CD300E: variants seen among roughly 807,000 people sequenced by gnomAD.
CD300E encodes CMRF35-like molecule 2.
Under a neutral mutation model 20.9 loss-of-function variants are expected in CD300E, and 14 were observed. The ratio of observed to expected loss-of-function variants is 0.67; its 90% CI spans 0.44 to 1.05. The LOEUF (loss-of-function observed/expected upper bound fraction) is 1.05. CD300E is among the 50% of genes least tolerant of loss of function. CD300E has a pLI of 0.00. For synonymous variants in CD300E, 102 were observed against 103.7 expected (o/e 0.98, Z 0.10); for missense variants, 237 against 253.9 (o/e 0.93, Z 0.45).
At chr17:74,617,958 A>G (rs1238963584) in intron 1 of CD300E, among the ~76,000 whole-genome samples, 1 of 152,194 alleles carries the variant, frequency 6.6e-6, no homozygotes, top group Non-Finnish European at 1.5e-5. Flanking sequence ...AAGAATCAAC[A>G]TGGCACTGGG....
intron 2 of CD300E, 73 bp downstream of exon 2, chr17:74,617,045 G>A (rs898702853): frequency 7.3e-5 from 96 of 1,307,608 alleles, no homozygotes; most frequent in Middle Eastern, 5.6e-4. Context: ...GCACACTTCA[G>A]TGTGCCGCCC....
chr17:74,613,201 C>A (rs1273796898), intron 3 of CD300E, among the ~76,000 whole-genome samples: 1 of 152,172 alleles, frequency 6.6e-6, no homozygotes, highest in African/African-American at 2.4e-5. Context: ...ACTTCCTGGG[C>A]TCAAGTGATT....
In CD300E at chr17:74,613,635, A is replaced by ATGGGGAAGGAGACAGGAAGGAG. The variant is rs2030832105; in HGVS notation, c.497+268_497+289dup. ...ACTGGGACCCCAAGTCCGGAGCTGG[A>ATGGGGAAGGAGACAGGAAGGAG]TGGGGAAGGAGACAGGAAGGAGTGG... On this transcript the variant is annotated intron_variant, in intron 3 of 3. Transcript: ENST00000392619. 2.0e-5 allele frequency among the ~76,000 whole-genome samples: 3 copies of ATGGGGAAGGAGACAGGAAGGAG among 152,318 alleles called. No homozygotes were observed. In the South Asian group the frequency reaches 6.2e-4, roughly 32 times the overall value.
intron 2 of CD300E, among the ~76,000 whole-genome samples, chr17:74,615,574 T>C (rs565420224): frequency 6.6e-6 from 1 of 152,330 alleles, no homozygotes; most frequent in African/African-American, 2.4e-5. Context: ...CTCACTTTTT[T>C]TCCCCAGCAG....
intron 1 of CD300E, among the ~76,000 whole-genome samples, chr17:74,622,752 C>T (rs1631043): frequency 0.57 from 79,877 of 139,072 alleles, 21,649 homozygotes; most frequent in African/African-American, 0.67. Context: ...TTTTTTTTTT[C>T]AGACAGGATC....
intron 2 of CD300E, among the ~76,000 whole-genome samples, chr17:74,614,509 A>C (rs1442028526): frequency 1.7e-5 from 2 of 118,828 alleles, no homozygotes; most frequent in South Asian, 2.5e-4. Context: ...ATGGAGTTTC[A>C]CTCTTGTTGC....
chr17:74,620,338 G>T (rs1049817234), intron 1 of CD300E, among the ~76,000 whole-genome samples: 3 of 152,198 alleles, frequency 2.0e-5, no homozygotes, highest in African/African-American at 7.2e-5. Flanking sequence ...CAGGCATAGT[G>T]GCGGGGGCCT....
intron 2 of CD300E, among the ~76,000 whole-genome samples, chr17:74,616,216 T>C (rs1461808211): frequency 6.6e-6 from 1 of 151,942 alleles, no homozygotes; most frequent in African/African-American, 2.4e-5. Context: ...AAGGTCACTG[T>C]GAGGTTGAGA....
At chr17:74,612,841 T>C in intron 3 of CD300E, 68 bp from the exon 4 acceptor site, 1 of 1,582,658 alleles carries the variant, frequency 6.3e-7, no homozygotes, top group Non-Finnish European at 8.6e-7. Context: ...TCTCCCCACC[T>C]CTCCCCATGC....
Position 74,611,450 on chromosome 17 carries a change from G to A in CD300E, c.*1203C>T, listed in dbSNP as rs868503296. The A allele has an allele frequency of 6.6e-6, 1 of 152,282 alleles. No homozygotes were observed. Among genetic ancestry groups the A allele is most frequent in the Non-Finnish European group, 1.5e-5 (1 of 68,094 alleles). 9.4% of individuals were successfully genotyped at this position (152,282 alleles called of 1,614,324 possible). On this transcript the variant is annotated 3_prime_UTR_variant, in exon 4 of 4. Coordinates refer to ENST00000392619, the MANE Select transcript of CD300E (RefSeq NM_181449.3). ...GTGATGCTTGCTTGTGGCAGACTGTGGGAGTCCTCCCCACAAACTTTAGGG... is the reference window on the plus strand; with the variant it reads ...GTGATGCTTGCTTGTGGCAGACTGTAGGAGTCCTCCCCACAAACTTTAGGG...
chr17:74,615,904 G>A (rs372753152), intron 2 of CD300E, among the ~76,000 whole-genome samples: 62 of 152,222 alleles, frequency 4.1e-4, no homozygotes, highest in African/African-American at 1.4e-3. Flanking sequence ...TGGGCAACGC[G>A]GGAAGATGCT....
At chr17:74,618,721 C>G (rs1278431243) in intron 1 of CD300E, among the ~76,000 whole-genome samples, 1 of 152,112 alleles carries the variant, frequency 6.6e-6, no homozygotes, top group Non-Finnish European at 1.5e-5. Flanking sequence ...CTTCCTCACC[C>G]CACCAACCAT....
At chr17:74,619,255 C>T (rs567653192) in intron 1 of CD300E, 14 of 421,646 alleles carry the variant, frequency 3.3e-5, no homozygotes, top group Admixed American at 1.0e-4. Context: ...GTGATGGAGC[C>T]GGGGCCTGCT....
In CD300E at chr17:74,611,031, C is replaced by A. The variant is rs533239376; in HGVS notation, c.*1622G>T. 12 of 152,292 alleles carry A rather than the reference C, an allele frequency of 7.9e-5. No homozygotes were observed. The highest frequency in any genetic ancestry group is 1.5e-4 in the Non-Finnish European group (10 of 68,070). The allele number at this position is 152,292 out of a possible 1,614,324, so 9.4% of individuals were successfully genotyped here. A position where few individuals can be genotyped will look rare whatever the true frequency, so the allele number is the denominator to read the frequency against. On this transcript the variant is annotated 3_prime_UTR_variant, in exon 4 of 4. Transcript: ENST00000392619. ...TGGCATGATATTCTCCTCACCAACC[C>A]CCTGACATCAGGAAGCATCTCTTGT...
intron 3 of CD300E, 39 bp downstream of exon 3, chr17:74,613,886 G>T: frequency 6.9e-7 from 1 of 1,450,450 alleles, no homozygotes; most frequent in Non-Finnish European, 9.6e-7. Context: ...TCCACCCCAG[G>T]GTTGCTCCCT....
In CD300E at chr17:74,611,115, A is replaced by G. The variant is rs146155846; in HGVS notation, c.*1538T>C. ...GGGAGCTTATCCTTCTCATAAAATG[A>G]ATCATAAGCTCCTTTCTTGCTCATC... On this transcript the variant is annotated 3_prime_UTR_variant, in exon 4 of 4. Coordinates refer to ENST00000392619, the MANE Select transcript of CD300E (RefSeq NM_181449.3). The G allele has an allele frequency of 1.4e-4, 22 of 152,334 alleles. No homozygotes were observed. The East Asian group carries it at 3.7e-3, about 25-fold the overall frequency. 9.4% of individuals were successfully genotyped at this position (152,334 alleles called of 1,614,324 possible).
intron 1 of CD300E, among the ~76,000 whole-genome samples, chr17:74,618,014 G>T (rs145746929): frequency 4.1e-4 from 62 of 152,330 alleles, no homozygotes; most frequent in African/African-American, 1.5e-3. Context: ...TTCTTTACCT[G>T]AATTTGGGAC....
In CD300E at chr17:74,612,664, G is replaced by T; in HGVS notation, c.607C>A (p.Pro203Thr). ...FWVNRPQWAP[P>T]GR ...GGGTCAGCCTGGCTCTATCTTCCAG[G>T]AGGAGCCCACTGAGGCCTGTTCACC... The change falls in exon 4 of 4, where the codon CCT (proline) becomes ACT (threonine). Residue 203 changes from proline to threonine, a missense_variant. By Grantham distance (38) the Pro-to-Thr change is conservative (BLOSUM62 -1). Transcript: ENST00000392619. 1.2e-6 allele frequency: 2 copies of T among 1,613,652 alleles called. No homozygotes were observed. Among genetic ancestry groups the T allele is most frequent in the African/African-American group, 2.7e-5 (2 of 75,014 alleles).
In CD300E at chr17:74,617,287, A is replaced by G. The variant is rs762660356; in HGVS notation, c.219T>C (p.Asn73=). 3 of 1,614,068 alleles carry G rather than the reference A, an allele frequency of 1.9e-6. No individual in the cohort carries two copies. The highest frequency in any genetic ancestry group is 2.2e-5 in the East Asian group (1 of 44,898). Reference sequence around the variant, plus strand: ...GGTGGTCTCTGATGGACACGCGGCCATTCCTCTCCACCTTCTCTTCTCCCT... The same window carrying G: ...GGTGGTCTCTGATGGACACGCGGCCGTTCCTCTCCACCTTCTCTTCTCCCT... ...ETKGEEKVER[N]GRVSIRDHPE... The change falls in exon 2 of 4, where the codon AAT becomes AAC. Residue 73 remains asparagine (N), a synonymous_variant. Transcript: ENST00000392619.
Sources: allele counts gnomAD v4.1 joint callset (sites outside exome capture counted in the v4.1 genomes callset), GRCh38; gene constraint gnomAD v4.1.1; transcripts MANE v1.5; gene names NCBI Gene and HGNC (gene_info 2026-07-23, HGNC 2026-07-21).